NKAIN2: variants seen among roughly 807,000 people sequenced by gnomAD.
NKAIN2 encodes sodium/potassium transporting ATPase interacting 2.
A neutral mutation model predicts 32.6 loss-of-function variants in NKAIN2; 14 were observed. That is an observed-to-expected ratio of 0.43 (90% CI 0.28 to 0.67). The LOEUF (loss-of-function observed/expected upper bound fraction) is 0.67, where lower values mean the gene tolerates loss of function less well. Among genes scored for constraint, NKAIN2 ranks in the 30% least tolerant of loss-of-function variants. The pLI is 0.17. For missense variants in NKAIN2, 198 were observed against 258.3 expected (o/e 0.77, Z 1.60); for synonymous variants, 80 against 87.2 (o/e 0.92, Z 0.46).
intron 1 of NKAIN2, among the ~76,000 whole-genome samples, chr6:123,817,575 G>T (rs1465708824): frequency 6.6e-6 from 1 of 152,132 alleles, no homozygotes; most frequent in Admixed American, 6.5e-5. Flanking sequence ...TTATCCCGAG[G>T]CCCGTGTCAG....
intron 3 of NKAIN2, among the ~76,000 whole-genome samples, chr6:124,447,734 T>A (rs1775953803): frequency 6.6e-6 from 1 of 152,168 alleles, no homozygotes; most frequent in South Asian, 2.1e-4. Context: ...GCATCCCATC[T>A]CTGCAGGGCA....
At chr6:124,120,972 C>A (rs567305158) in intron 1 of NKAIN2, among the ~76,000 whole-genome samples, 16 of 152,188 alleles carry the variant, frequency 1.1e-4, no homozygotes, top group African/African-American at 3.8e-4. Flanking sequence ...GCACAGATTT[C>A]TTTTACCAGT....
intron 2 of NKAIN2, among the ~76,000 whole-genome samples, chr6:124,310,893 A>C (rs2114999552): frequency 6.6e-6 from 1 of 152,262 alleles, no homozygotes; most frequent in Admixed American, 6.5e-5. Context: ...TGAGAGTTAA[A>C]AGCTTTGGTC....
chr6:124,046,226 T>C (rs1339679403), intron 1 of NKAIN2, among the ~76,000 whole-genome samples: 3 of 152,036 alleles, frequency 2.0e-5, no homozygotes, highest in African/African-American at 7.2e-5. Flanking sequence ...ACTATATAAA[T>C]AATACCTTTC....
At chr6:124,214,208 A>C (rs2114670997) in intron 1 of NKAIN2, among the ~76,000 whole-genome samples, 1 of 152,314 alleles carries the variant, frequency 6.6e-6, no homozygotes, top group African/African-American at 2.4e-5. Flanking sequence ...GGACTTCGAA[A>C]GAGATTAAGA....
chr6:124,809,173 A>C (rs1780752054), intron 5 of NKAIN2, among the ~76,000 whole-genome samples: 1 of 152,122 alleles, frequency 6.6e-6, no homozygotes, highest in Non-Finnish European at 1.5e-5. Flanking sequence ...CTGCATCGCC[A>C]AGTCAATCCT....
intron 4 of NKAIN2, among the ~76,000 whole-genome samples, chr6:124,716,241 C>G (rs1373613981): frequency 6.6e-6 from 1 of 152,212 alleles, no homozygotes; most frequent in Admixed American, 6.5e-5. Flanking sequence ...ATGCCTACTG[C>G]ACCCACCAAC....
chr6:124,804,246 A>T (rs1201720720), intron 5 of NKAIN2, among the ~76,000 whole-genome samples: 1 of 152,202 alleles, frequency 6.6e-6, no homozygotes, highest in Non-Finnish European at 1.5e-5. Context: ...GAAAACCATC[A>T]TTTGTTTCTT....
chr6:124,489,414 T>C (rs746274388), intron 3 of NKAIN2, among the ~76,000 whole-genome samples: 1 of 151,932 alleles, frequency 6.6e-6, no homozygotes, highest in Non-Finnish European at 1.5e-5. Context: ...AATTCACTTA[T>C]AGCTCATGTT....
intron 1 of NKAIN2, among the ~76,000 whole-genome samples, chr6:124,131,302 G>T (rs577708675): frequency 6.6e-6 from 1 of 152,036 alleles, no homozygotes; most frequent in Non-Finnish European, 1.5e-5. Context: ...ATGCCGCCAC[G>T]TCTGGCTATT....
In NKAIN2 at chr6:124,756,197, A is replaced by C. The variant is rs577725504; in HGVS notation, c.475-35142A>C. On this transcript the variant is annotated intron_variant, in intron 4 of 6. Transcript: ENST00000368417. ...TAGGTGCCTTGTCCAAGATCTTCTA[A>C]CTTGTTTTATTCCAAAGTTTCTGGA... is the stretch of plus-strand genomic sequence containing the variant. Among the ~76,000 whole-genome samples the C allele has an allele frequency of 1.7e-3, 264 of 152,298 alleles. 3 individuals are homozygous for C. Among genetic ancestry groups the C allele is most frequent in the African/African-American group, 5.9e-3 (244 of 41,572 alleles).
chr6:124,785,064 TG>T (rs1484544620), intron 4 of NKAIN2, among the ~76,000 whole-genome samples: 1 of 151,984 alleles, frequency 6.6e-6, no homozygotes, highest in Non-Finnish European at 1.5e-5. Flanking sequence ...AGGACTCCAG[TG>T]GGGGAAAAAA....
At chr6:124,378,985 A>G (rs1293723850) in intron 3 of NKAIN2, among the ~76,000 whole-genome samples, 1 of 148,870 alleles carries the variant, frequency 6.7e-6, no homozygotes, top group Non-Finnish European at 1.5e-5. Context: ...CCAGCTACTT[A>G]TGAGGCTGCT....
intron 5 of NKAIN2, among the ~76,000 whole-genome samples, chr6:124,814,009 A>C (rs1781029719): frequency 6.6e-6 from 1 of 152,200 alleles, no homozygotes; most frequent in Non-Finnish European, 1.5e-5. Flanking sequence ...AAACAGAAAA[A>C]GATGGTATTA....
At chr6:124,680,003 G>T (rs1773539731) in intron 4 of NKAIN2, among the ~76,000 whole-genome samples, 1 of 152,058 alleles carries the variant, frequency 6.6e-6, no homozygotes, top group African/African-American at 2.4e-5. Flanking sequence ...AAGAAAGCAA[G>T]AGATATCATT....
intron 5 of NKAIN2, among the ~76,000 whole-genome samples, chr6:124,805,152 C>T (rs1241457082): frequency 1.9e-4 from 29 of 152,302 alleles, no homozygotes; most frequent in South Asian, 6.2e-4. Flanking sequence ...TCTCCCAGCA[C>T]GCAGCTGGAG....
chr6:124,525,520 G>A (rs2114807503), intron 3 of NKAIN2, among the ~76,000 whole-genome samples: 1 of 152,136 alleles, frequency 6.6e-6, no homozygotes, highest in East Asian at 1.9e-4. Flanking sequence ...AACTTAGTAA[G>A]GGGCAGAAGC....
intron 3 of NKAIN2, among the ~76,000 whole-genome samples, chr6:124,385,662 G>A (rs531602139): frequency 1.2e-4 from 19 of 152,100 alleles, no homozygotes; most frequent in African/African-American, 4.6e-4. Flanking sequence ...CTCTGTGTTT[G>A]GACAATAAAT....
intron 3 of NKAIN2, among the ~76,000 whole-genome samples, chr6:124,484,768 T>C (rs1777586713): frequency 6.6e-6 from 1 of 152,126 alleles, no homozygotes; most frequent in South Asian, 2.1e-4. Flanking sequence ...CTTGTAAACA[T>C]GCATGTATGA....
Sources: gnomAD v4.1 joint callset for allele counts (sites outside exome capture counted in the v4.1 genomes callset) on GRCh38, gnomAD v4.1.1 for gene constraint, MANE v1.5 for transcripts, NCBI Gene and HGNC (gene_info 2026-07-23, HGNC 2026-07-21) for gene names.